The following ATP6V0A4 variants were observed in gnomAD, a reference collection of about 807,000 sequenced individuals.
The protein encoded by ATP6V0A4 is ATPase H+ transporting V0 subunit a4, also known as V-type proton ATPase 116 kDa subunit a 4.
A neutral mutation model predicts 107.3 loss-of-function variants in ATP6V0A4; 86 were observed. The ratio of observed to expected loss-of-function variants is 0.80; its 90% CI spans 0.67 to 0.96. The LOEUF (loss-of-function observed/expected upper bound fraction) is 0.96, where lower values mean the gene tolerates loss of function less well. Ranked by LOEUF, ATP6V0A4 falls within the 40% of genes least tolerant of loss-of-function variation. The pLI, the probability that ATP6V0A4 is intolerant of heterozygous loss-of-function variation, is 0.00. For missense variants in ATP6V0A4, 908 were observed against 1,045.6 expected (o/e 0.87, Z 1.81); for synonymous variants, 353 against 381.4 (o/e 0.93, Z 0.87).
At chr7:138,729,681 C>T (rs374979737) in intron 17 of ATP6V0A4, among the ~76,000 whole-genome samples, 12 of 152,286 alleles carry the variant, frequency 7.9e-5, no homozygotes, top group African/African-American at 2.6e-4. Flanking sequence ...CAGCCAGCCT[C>T]GGAAGGCTCG....
At chr7:138,771,326 G>C in intron 2 of ATP6V0A4, 62 bp from the exon 3 acceptor site, 1 of 1,559,886 alleles carries the variant, frequency 6.4e-7, no homozygotes, top group Non-Finnish European at 8.7e-7. Flanking sequence ...AAACCTTAGG[G>C]TGAAATTTTT....
At chr7:138,719,221 C>T (rs1804306442) in intron 19 of ATP6V0A4, among the ~76,000 whole-genome samples, 1 of 152,092 alleles carries the variant, frequency 6.6e-6, no homozygotes, top group African/African-American at 2.4e-5. Context: ...TTAACCTTAC[C>T]GAACAGGACT....
chr7:138,750,690 C>T (rs59865498), intron 11 of ATP6V0A4, among the ~76,000 whole-genome samples: 4,943 of 152,304 alleles, frequency 0.032, 254 homozygotes, highest in African/African-American at 0.11. Flanking sequence ...ACCTGCTCCC[C>T]GGCCAGCCTC....
intron 17 of ATP6V0A4, among the ~76,000 whole-genome samples, chr7:138,732,086 G>A (rs967974081): frequency 1.3e-5 from 2 of 152,092 alleles, no homozygotes; most frequent in African/African-American, 4.8e-5. Flanking sequence ...TCACAGAAGA[G>A]CATGAGTTTG....
chr7:138,746,933 C>T (rs1805981292), intron 13 of ATP6V0A4, among the ~76,000 whole-genome samples: 2 of 152,146 alleles, frequency 1.3e-5, no homozygotes, highest in Admixed American at 1.3e-4. Flanking sequence ...GAACACGGGT[C>T]CCAGGCTGCT....
intron 21 of ATP6V0A4, among the ~76,000 whole-genome samples, chr7:138,707,374 T>TATATATATTATA (rs2117171760): frequency 2.0e-5 from 2 of 99,588 alleles, no homozygotes; most frequent in South Asian, 5.7e-4. Context: ...TATATATATA[T>TATATATATTATA]TTATATATAT....
In ATP6V0A4 at chr7:138,762,426, G is replaced by A; in HGVS notation, c.426C>T (p.Thr142=). The A allele has an allele frequency of 1.9e-6, 3 of 1,613,998 alleles. No homozygotes were observed. The highest frequency in any genetic ancestry group is 2.5e-6 in the Non-Finnish European group (3 of 1,179,964). The part of the protein sequence containing the change: ...KKTQDFFETE[T]NLADDFFTED... ...CAGTAAAGAAATCATCAGCTAAATT[G>A]GTTTCCGTCTGAAAGTCAAAGCACT... The change falls in exon 7 of 22, where the codon ACC becomes ACT. Residue 142 remains threonine (T), a synonymous_variant. Transcript: ENST00000310018.
At chr7:138,767,110 GAC>G in intron 5 of ATP6V0A4, among the ~76,000 whole-genome samples, 1 of 152,230 alleles carries the variant, frequency 6.6e-6, no homozygotes, top group Non-Finnish European at 1.5e-5. Flanking sequence ...TCTTGGAAAA[GAC>G]AGTCATTTTT....
intron 18 of ATP6V0A4, among the ~76,000 whole-genome samples, chr7:138,723,058 A>C (rs1210345351): frequency 1.3e-5 from 2 of 150,954 alleles, no homozygotes; most frequent in Non-Finnish European, 1.5e-5. Context: ...ACTGTCTCAA[A>C]AAAAAAAAAA....
chr7:138,747,614 C>G (rs183958705), intron 12 of ATP6V0A4, 50 bp from the exon 13 acceptor site: 2 of 1,603,450 alleles, frequency 1.2e-6, no homozygotes, highest in Non-Finnish European at 1.7e-6. Flanking sequence ...AGCCTCGGGG[C>G]CCCCACCTCA....
chr7:138,764,809 T>A (rs890502577), intron 5 of ATP6V0A4: 2 of 152,354 alleles, frequency 1.3e-5, no homozygotes, highest in African/African-American at 4.8e-5. Context: ...GTTTTTGTTT[T>A]TAAGACAAAG....
chr7:138,762,970 G>A lies in ATP6V0A4; in HGVS notation c.347C>T (p.Ala116Val). Residue 116 changes from alanine (A) to valine (V), a missense_variant, in exon 6 of 22, where the codon GCC (alanine) becomes GTC (valine). Physicochemically the swap from Ala to Val is moderately conservative, Grantham distance 64 (BLOSUM62 0). Coordinates refer to ENST00000310018, the MANE Select transcript of ATP6V0A4 (RefSeq NM_020632.3). ...CAGTTCTAGGAAGCTTTGTTTCAAGGCCTGCTGGTTCTGGTTGGCTTCCTG... is the reference window on the plus strand; with the variant it reads ...CAGTTCTAGGAAGCTTTGTTTCAAGACCTGCTGGTTCTGGTTGGCTTCCTG... ...ELQEANQNQQALKQSFLELTE... is the reference protein window; with the variant it reads ...ELQEANQNQQVLKQSFLELTE... 4 of 1,614,096 alleles carry A rather than the reference G, an allele frequency of 2.5e-6. No homozygotes were observed. In the South Asian group the frequency reaches 3.3e-5, roughly 13 times the overall value.
At chr7:138,785,758 C>T (rs1006789277) in intron 2 of ATP6V0A4, among the ~76,000 whole-genome samples, 2 of 152,164 alleles carry the variant, frequency 1.3e-5, no homozygotes, top group African/African-American at 4.8e-5. Context: ...CACACACACA[C>T]AAACACACCC....
chr7:138,720,323 T>C (rs1327685977), intron 19 of ATP6V0A4, among the ~76,000 whole-genome samples: 1 of 152,100 alleles, frequency 6.6e-6, no homozygotes, highest in East Asian at 1.9e-4. Flanking sequence ...CCATGTATGA[T>C]TAGACCTGGG....
intron 18 of ATP6V0A4, 33 bp from the exon 19 acceptor site, chr7:138,722,058 C>CAGG (rs1804450443): frequency 6.2e-7 from 1 of 1,613,646 alleles, no homozygotes; most frequent in African/African-American, 1.3e-5. Context: ...GGAATGCGCT[C>CAGG]AACTCACCCT....
chr7:138,783,374 C>G (rs1050140517), intron 2 of ATP6V0A4, among the ~76,000 whole-genome samples: 1 of 151,936 alleles, frequency 6.6e-6, no homozygotes, highest in Non-Finnish European at 1.5e-5. Context: ...AGATCAAGAC[C>G]AGTCTGGGCA....
At chr7:138,777,073 C>T (rs565932283) in intron 2 of ATP6V0A4, among the ~76,000 whole-genome samples, 135 of 151,314 alleles carry the variant, frequency 8.9e-4, no homozygotes, top group Middle Eastern at 3.5e-3. Context: ...CGCTTGAACC[C>T]GGGAAGTGGA....
chr7:138,709,634 G>T lies in ATP6V0A4; in HGVS notation c.2419C>A (p.Arg807=). 6.2e-7 allele frequency: 1 copy of T among 1,612,106 alleles called. No homozygotes were observed. Among genetic ancestry groups the T allele is most frequent in the African/African-American group, 1.3e-5 (1 of 74,890 alleles). ...GACAACCATCCTTACCAGTGCAGTC[G>T]CAGGGCGTGCAGGAAAGCAGAGAGG... ...EGLSAFLHAL[R]LHWVEFQNKF... Residue 807 remains arginine, a synonymous_variant, in exon 21 of 22, where the codon CGA becomes AGA. Coordinates refer to ENST00000310018, the MANE Select transcript of ATP6V0A4 (RefSeq NM_020632.3).
At chr7:138,717,237 GA>G (rs1191465766) in intron 19 of ATP6V0A4, among the ~76,000 whole-genome samples, 7 of 152,220 alleles carry the variant, frequency 4.6e-5, no homozygotes, top group African/African-American at 1.7e-4. Context: ...GCATCTGCAG[GA>G]GGATGGAGGA....
Sources: gnomAD v4.1 joint callset for allele counts (sites outside exome capture counted in the v4.1 genomes callset) on GRCh38, gnomAD v4.1.1 for gene constraint, MANE v1.5 for transcripts, NCBI Gene and HGNC (gene_info 2026-07-23, HGNC 2026-07-21) for gene names.